Variants in KY observed in about 807,000 individuals in gnomAD.
KY encodes the protein kyphoscoliosis peptidase.
In KY, 43 loss-of-function variants were observed where a neutral mutation model predicts 76.1. That is an observed-to-expected ratio of 0.57 (90% confidence interval 0.44 to 0.73). The LOEUF is 0.73. Among genes scored for constraint, KY ranks in the 30% least tolerant of loss-of-function variants. The probability of loss-of-function intolerance (pLI) is 0.00; values close to 1 mark genes in which losing one functional copy is unlikely to be tolerated. For missense variants in KY, 722 were observed against 828.9 expected (o/e 0.87, Z 1.58); for synonymous variants, 277 against 326.2 (o/e 0.85, Z 1.63).
chr3:134,650,967 G>T lies in KY; in HGVS notation c.-7C>A. 7.4e-6 allele frequency: 12 copies of T among 1,613,006 alleles called. No individual in the cohort carries two copies. Among genetic ancestry groups the T allele is most frequent in the Non-Finnish European group, 9.3e-6 (11 of 1,179,380 alleles). On this transcript the variant is annotated 5_prime_UTR_variant, in exon 1 of 11. Transcript: ENST00000423778. ...TGTCCTTCTTCAGCTCCATGATGCCGCCTCCTTTCCGACCTGGGCGCCGCG... is the reference window on the plus strand; with the variant it reads ...TGTCCTTCTTCAGCTCCATGATGCCTCCTCCTTTCCGACCTGGGCGCCGCG...
chr3:134,630,780 A>G (rs571939372), intron 3 of KY, among the ~76,000 whole-genome samples: 2 of 152,344 alleles, frequency 1.3e-5, no homozygotes, highest in East Asian at 3.9e-4. Context: ...CTTAATTTGA[A>G]AAGGAAAAGA....
chr3:134,621,695 C>T (rs964818347), intron 6 of KY, among the ~76,000 whole-genome samples: 3 of 151,772 alleles, frequency 2.0e-5, no homozygotes, highest in African/African-American at 7.3e-5. Flanking sequence ...GCACAAGCAA[C>T]AAAGGAAAAA....
At chr3:134,648,238 T>C (rs1966671120) in intron 1 of KY, among the ~76,000 whole-genome samples, 1 of 152,192 alleles carries the variant, frequency 6.6e-6, no homozygotes, top group Non-Finnish European at 1.5e-5. Flanking sequence ...GACCAGCTCG[T>C]TGGTGCTGCT....
intron 8 of KY, 176 bp from the exon 9 acceptor site, chr3:134,610,559 G>T (rs572024256): frequency 5.8e-5 from 35 of 605,448 alleles, no homozygotes; most frequent in African/African-American, 5.8e-4. Flanking sequence ...TCGGGGCACT[G>T]GGGACAGGGA....
rs541131548 is a variant in KY, at chr3:134,634,305, GAAAA to G, written c.263-4614_263-4611del. Among the ~76,000 whole-genome samples, 114 of 148,748 alleles carry G rather than the reference GAAAA, an allele frequency of 7.7e-4. 3 individuals are homozygous for G. The South Asian group carries it at 0.024, about 31-fold the overall frequency. ...GAACTGGAATAACTAAACTAATTTTGAAAAAAAAAGATGGGAGGACTCCCACTCT... is the reference window on the plus strand; with the variant it reads ...GAACTGGAATAACTAAACTAATTTTGAAAAAGATGGGAGGACTCCCACTCT... On this transcript the variant is annotated intron_variant, in intron 3 of 10. Transcript: ENST00000423778.
chr3:134,600,244 C>T lies in KY; in HGVS notation c.*3335G>A, dbSNP rs960315306. Among the ~76,000 whole-genome samples the T allele has an allele frequency of 6.6e-6, 1 of 152,202 alleles. No homozygotes were observed. The stretch of plus-strand genomic sequence containing the variant: ...TTGGAGAGGAGAAAACCCACTCCTT[C>T]TAGTGAACATGGCATCTAAAACCTC... On this transcript the variant is annotated 3_prime_UTR_variant, in exon 11 of 11. Transcript: ENST00000423778.
Position 134,608,774 on chromosome 3 carries a change from T to C in KY, c.965A>G (p.Lys322Arg), listed in dbSNP as rs369493511. The change falls in exon 10 of 11, where the codon AAG (lysine) becomes AGG (arginine). Residue 322 changes from lysine (K) to arginine (R), a missense_variant. Coordinates refer to ENST00000423778, the MANE Select transcript of KY (RefSeq NM_178554.6). ...LFIEDHFPDNKNWQLLKPPQS... is the reference protein window; with the variant it reads ...LFIEDHFPDNRNWQLLKPPQS... ...AGGAGGTTTTAGCAGCTGCCAGTTC[T>C]TGTTGTCTGGGAAGTGGTCCTCGAT... is the stretch of plus-strand genomic sequence containing the variant. 3.7e-6 allele frequency: 6 copies of C among 1,613,898 alleles called. No homozygotes were observed. The African/African-American group carries it at 8.0e-5, about 22-fold the overall frequency.
chr3:134,605,092 A>G (rs1334617051), intron 10 of KY, among the ~76,000 whole-genome samples: 1 of 152,014 alleles, frequency 6.6e-6, no homozygotes, highest in Non-Finnish European at 1.5e-5. Context: ...GTGTGTGCAC[A>G]GGAGGGTCTT....
intron 8 of KY, 48 bp downstream of exon 8, chr3:134,619,100 G>C (rs1261798716): frequency 6.9e-6 from 10 of 1,458,936 alleles, no homozygotes; most frequent in African/African-American, 1.4e-5. Context: ...GTGGAAGAGG[G>C]AGAGGGATGG....
At position 134,610,175 on chromosome 3, in the gene KY, G is replaced by T; in HGVS notation, c.899+20C>A. ...ACTTCCACCTGCCAGACGCCCAGCA[G>T]AACTGAGACAAGTACTTACAGGAAG... On this transcript the variant is annotated intron_variant, in intron 9 of 10. Transcript: ENST00000423778. 6.2e-7 allele frequency: 1 copy of T among 1,604,674 alleles called. No homozygotes were observed. Among genetic ancestry groups the T allele is most frequent in the South Asian group, 1.1e-5 (1 of 90,100 alleles).
At chr3:134,607,831 G>A (rs899001894) in intron 10 of KY, 44 of 987,520 alleles carry the variant, frequency 4.5e-5, no homozygotes, top group Non-Finnish European at 4.9e-5. Flanking sequence ...GGCTGGAAAC[G>A]GCTGGGTCCC....
At chr3:134,612,858 AC>A (rs2107788619) in intron 8 of KY, 1 of 151,430 alleles carries the variant, frequency 6.6e-6, no homozygotes, top group Non-Finnish European at 1.5e-5. Flanking sequence ...CACAAAAGGC[AC>A]CTGATCTTTT....
intron 1 of KY, among the ~76,000 whole-genome samples, chr3:134,650,569 AG>A (rs1966857078): frequency 6.6e-6 from 1 of 152,184 alleles, no homozygotes; most frequent in Admixed American, 6.5e-5. Flanking sequence ...AAAGACTCCC[AG>A]GGGTGACGGA....
At chr3:134,630,094 G>A (rs1451066267) in intron 3 of KY, among the ~76,000 whole-genome samples, 1 of 152,196 alleles carries the variant, frequency 6.6e-6, no homozygotes, top group African/African-American at 2.4e-5. Flanking sequence ...GGACTTAAAG[G>A]CATTCCCAAA....
chr3:134,619,226 G>T lies in KY; in HGVS notation c.632C>A (p.Ala211Asp), dbSNP rs754690186. Residue 211 changes from alanine to aspartate, a missense_variant, in exon 8 of 11, where the codon GCC becomes GAC. By Grantham distance (126) the Ala-to-Asp change is moderately radical (BLOSUM62 -2). Around this residue, in one of 2 missense-constraint regions of KY, gnomAD observed 552 missense variants for 680.9 expected, o/e 0.81. Coordinates refer to ENST00000423778, the MANE Select transcript of KY (RefSeq NM_178554.6). Reference sequence around the variant, plus strand: ...CCGCAGGATGTCAGTGGGTTTGAAGGCTTGGCGGTCCTTCTCCTGAGCAGC... The same window carrying T: ...CCGCAGGATGTCAGTGGGTTTGAAGTCTTGGCGGTCCTTCTCCTGAGCAGC... The part of the protein sequence containing the change: ...IAAAQEKDRQ[A>D]FKPTDILRTQ... 5.6e-6 allele frequency: 9 copies of T among 1,613,864 alleles called. No individual in the cohort carries two copies. The highest frequency in any genetic ancestry group is 4.5e-5 in the East Asian group (2 of 44,886).
chr3:134,645,751 G>T (rs1372621463), intron 2 of KY, among the ~76,000 whole-genome samples: 1 of 152,162 alleles, frequency 6.6e-6, no homozygotes. Context: ...GGTTTTGCAA[G>T]AACTATTTTA....
At chr3:134,643,276 C>G in intron 3 of KY, 40 bp downstream of exon 3, 1 of 1,605,554 alleles carries the variant, frequency 6.2e-7, no homozygotes, top group South Asian at 1.1e-5. Flanking sequence ...TCTGGGCACA[C>G]CTCTGCAGGG....
intron 8 of KY, among the ~76,000 whole-genome samples, chr3:134,616,513 T>C (rs1451855242): frequency 1.3e-5 from 2 of 152,190 alleles, no homozygotes; most frequent in African/African-American, 2.4e-5. Flanking sequence ...GATGCATAGA[T>C]AGGTTACTGA....
At chr3:134,644,985 A>C (rs922917165) in intron 2 of KY, among the ~76,000 whole-genome samples, 1 of 152,250 alleles carries the variant, frequency 6.6e-6, no homozygotes, top group Non-Finnish European at 1.5e-5. Context: ...TTCTGCAGGC[A>C]CAGCTGGCAG....
Sources: allele counts gnomAD v4.1 joint callset (sites outside exome capture counted in the v4.1 genomes callset), GRCh38; gene constraint gnomAD v4.1.1; regional missense constraint gnomAD v4.1.1; transcripts MANE v1.5; gene names NCBI Gene and HGNC (gene_info 2026-07-23, HGNC 2026-07-21).